Variants in SLMAP observed in about 807,000 individuals in gnomAD.
The protein encoded by SLMAP is sarcolemmal membrane-associated protein.
A neutral mutation model predicts 128.8 loss-of-function variants in SLMAP; 44 were observed. The observed-to-expected ratio is 0.34, with a 90% CI of 0.27 to 0.44. The LOEUF is 0.44. Ranked by LOEUF, SLMAP falls within the 20% of genes least tolerant of loss-of-function variation. The pLI, the probability that SLMAP is intolerant of heterozygous loss-of-function variation, is 1.00. For synonymous variants in SLMAP, 327 were observed against 348.8 expected, an observed-to-expected ratio of 0.94 and a Z score of 0.70; for missense variants, 787 against 985.3, an observed-to-expected ratio of 0.80 and a Z score of 2.69.
In SLMAP at chr3:57,912,425, GAGA is replaced by G; in HGVS notation, c.1747_1749del (p.Lys583del). ...CATCGATACTGAGAATCTCCGGGAG[GAGA>G]AGGACAGTGAAATCACAAGTACTAG... On this transcript the variant is annotated inframe_deletion, in exon 20 of 25. Coordinates refer to ENST00000671191, the MANE Select transcript of SLMAP (RefSeq NM_001377540.1). 2 of 1,613,906 alleles carry G rather than the reference GAGA, an allele frequency of 1.2e-6. No individual in the cohort carries two copies. The highest frequency in any genetic ancestry group is 1.7e-6 in the Non-Finnish European group (2 of 1,179,780).
At chr3:57,855,509 G>A (rs2094724031) in intron 6 of SLMAP, among the ~76,000 whole-genome samples, 1 of 151,956 alleles carries the variant, frequency 6.6e-6, no homozygotes, top group African/African-American at 2.4e-5. Flanking sequence ...TGAATGTGAA[G>A]GCCTGTGACA....
chr3:57,771,456 C>T (rs1401989608), intron 2 of SLMAP, among the ~76,000 whole-genome samples: 1 of 152,184 alleles, frequency 6.6e-6, no homozygotes, highest in Non-Finnish European at 1.5e-5. Context: ...GTCTCAAACT[C>T]CTGAGCTCAA....
intron 2 of SLMAP, among the ~76,000 whole-genome samples, chr3:57,826,152 A>G (rs1215410515): frequency 1.3e-5 from 2 of 152,156 alleles, no homozygotes; most frequent in Non-Finnish European, 2.9e-5. Context: ...CATTTCTAAA[A>G]TGAATTTTTC....
intron 2 of SLMAP, among the ~76,000 whole-genome samples, chr3:57,805,472 A>AG (rs2089621040): frequency 6.6e-6 from 1 of 152,230 alleles, no homozygotes; most frequent in African/African-American, 2.4e-5. Context: ...TTATCTGTCC[A>AG]GTAGCCCAGG....
chr3:57,839,643 G>A (rs1383725362), intron 3 of SLMAP, among the ~76,000 whole-genome samples: 3 of 149,640 alleles, frequency 2.0e-5, no homozygotes, highest in East Asian at 2.0e-4. Context: ...TCACTCTGTC[G>A]CCCAGGCTGG....
chr3:57,860,643 C>A, intron 8 of SLMAP, 56 bp from the exon 9 acceptor site: 2 of 1,345,484 alleles, frequency 1.5e-6, no homozygotes, highest in Non-Finnish European at 2.0e-6. Context: ...TTTTTTCAAA[C>A]AATAAATGCT....
At chr3:57,927,240 A>G in intron 24 of SLMAP, 56 bp from the exon 25 acceptor site, 2 of 1,084,226 alleles carry the variant, frequency 1.8e-6, no homozygotes, top group South Asian at 1.4e-5. Flanking sequence ...AGGGGTTAAT[A>G]GGTATGAAAA....
At chr3:57,822,408 G>A (rs1212046367) in intron 2 of SLMAP, among the ~76,000 whole-genome samples, 2 of 152,240 alleles carry the variant, frequency 1.3e-5, no homozygotes, top group African/African-American at 4.8e-5. Context: ...ACGGAAAAAG[G>A]TAGAGTAGGA....
chr3:57,829,902 A>G (rs185046429), intron 2 of SLMAP, among the ~76,000 whole-genome samples: 1 of 152,338 alleles, frequency 6.6e-6, no homozygotes, highest in Admixed American at 6.5e-5. Context: ...GTAATGAGGA[A>G]AAATGGCCCT....
chr3:57,873,504 A>G (rs1437294669), intron 14 of SLMAP, among the ~76,000 whole-genome samples: 1 of 152,094 alleles, frequency 6.6e-6, no homozygotes, highest in African/African-American at 2.4e-5. Context: ...CTCCGTCTCA[A>G]AAAAAAATTA....
At chr3:57,859,973 A>G (rs1173644934) in intron 8 of SLMAP, among the ~76,000 whole-genome samples, 1 of 152,212 alleles carries the variant, frequency 6.6e-6, no homozygotes, top group Non-Finnish European at 1.5e-5. Flanking sequence ...TTTTTCATCT[A>G]CCAAAGACTG....
intron 6 of SLMAP, among the ~76,000 whole-genome samples, chr3:57,850,926 C>T (rs1034931029): frequency 6.6e-6 from 1 of 152,162 alleles, no homozygotes; most frequent in Non-Finnish European, 1.5e-5. Context: ...TGAGCCATGG[C>T]GCCCGGCCCA....
chr3:57,820,375 A>G (rs933682851), intron 2 of SLMAP, among the ~76,000 whole-genome samples: 3 of 152,154 alleles, frequency 2.0e-5, no homozygotes, highest in Non-Finnish European at 4.4e-5. Context: ...AGCCTCAAAG[A>G]CAAACAGCTG....
At chr3:57,810,877 G>A (rs1398096842) in intron 2 of SLMAP, among the ~76,000 whole-genome samples, 1 of 152,158 alleles carries the variant, frequency 6.6e-6, no homozygotes, top group East Asian at 1.9e-4. Context: ...TGTTTTCCAT[G>A]ACCTTGAAAC....
At chr3:57,868,899 TTA>T (rs1323489337) in intron 13 of SLMAP, among the ~76,000 whole-genome samples, 2 of 137,076 alleles carry the variant, frequency 1.5e-5, no homozygotes, top group Admixed American at 8.1e-5. Context: ...ATTATATATA[TTA>T]TATATGTGTG....
chr3:57,847,786 T>C (rs1560219160), intron 5 of SLMAP, among the ~76,000 whole-genome samples: 1 of 152,212 alleles, frequency 6.6e-6, no homozygotes, highest in Non-Finnish European at 1.5e-5. Context: ...AATACATCTT[T>C]TGACATTAAT....
At chr3:57,798,214 TTAAC>T (rs1241696336) in intron 2 of SLMAP, among the ~76,000 whole-genome samples, 3 of 152,202 alleles carry the variant, frequency 2.0e-5, no homozygotes, top group African/African-American at 7.2e-5. Flanking sequence ...ATTTGAAAGT[TTAAC>T]TAATTTTTTA....
intron 14 of SLMAP, among the ~76,000 whole-genome samples, chr3:57,888,325 A>G (rs1411013350): frequency 6.6e-6 from 1 of 152,176 alleles, no homozygotes; most frequent in Non-Finnish European, 1.5e-5. Flanking sequence ...TAATTTTTCA[A>G]TATAAATACT....
At chr3:57,913,033 G>A in intron 20 of SLMAP, 125 bp from the exon 21 acceptor site, 2 of 551,436 alleles carry the variant, frequency 3.6e-6, no homozygotes, top group South Asian at 3.4e-5. Flanking sequence ...AATTAACCAT[G>A]TAAAATCTAC....
Sources: gnomAD v4.1 joint callset for allele counts (sites outside exome capture counted in the v4.1 genomes callset) on GRCh38, gnomAD v4.1.1 for gene constraint, MANE v1.5 for transcripts, NCBI Gene and HGNC (gene_info 2026-07-23, HGNC 2026-07-21) for gene names.